Variants in TMEM71 observed in about 807,000 individuals in gnomAD.
TMEM71 encodes transmembrane protein 71.
TMEM71 carries 44 observed loss-of-function variants against 38.0 expected under a neutral mutation model. The ratio of observed to expected loss-of-function variants is 1.16; its 90% CI spans 0.91 to 1.49. The LOEUF is 1.49. TMEM71 is among the 40% of genes most tolerant of loss of function. The probability of loss-of-function intolerance (pLI) is 0.00; values close to 1 mark genes in which losing one functional copy is unlikely to be tolerated. For missense variants in TMEM71, 367 were observed against 348.6 expected, an observed-to-expected ratio of 1.05 and a Z score of -0.42; for synonymous variants, 133 against 122.5, an observed-to-expected ratio of 1.09 and a Z score of -0.56.
chr8:132,728,755 T>G (rs1240369778), intron 5 of TMEM71, among the ~76,000 whole-genome samples: 1 of 152,246 alleles, frequency 6.6e-6, no homozygotes, highest in East Asian at 1.9e-4. Context: ...TCATTCAACA[T>G]TTATTGAATG....
At chr8:132,775,471 C>T in the TMEM71 span, 1 of 381,456 alleles carries the variant, frequency 2.6e-6, no homozygotes. Flanking sequence ...ACCCAGCTCC[C>T]TCCCGCGAAA....
intron 7 of TMEM71, among the ~76,000 whole-genome samples, 172 bp downstream of exon 7, chr8:132,721,868 A>T (rs565438130): frequency 6.7e-4 from 102 of 152,192 alleles, no homozygotes; most frequent in Non-Finnish European, 1.2e-3. Context: ...TTGTGAGAGG[A>T]TAGAGGTGGG....
intron 5 of TMEM71, among the ~76,000 whole-genome samples, chr8:132,728,333 A>T (rs916355525): frequency 2.6e-5 from 4 of 152,284 alleles, no homozygotes; most frequent in African/African-American, 7.2e-5. Flanking sequence ...AGTGGCAGGT[A>T]AAGAGAGAAT....
intron 3 of TMEM71, among the ~76,000 whole-genome samples, chr8:132,753,263 G>T (rs1203271059): frequency 2.0e-5 from 3 of 150,918 alleles, no homozygotes; most frequent in Non-Finnish European, 4.4e-5. Context: ...TGGAAATCTG[G>T]TAAAACCTAT....
At chr8:132,719,289 T>C (rs1826710060) in intron 7 of TMEM71, among the ~76,000 whole-genome samples, 2 of 152,208 alleles carry the variant, frequency 1.3e-5, no homozygotes, top group Non-Finnish European at 2.9e-5. Flanking sequence ...AAATAAAAAA[T>C]TCAAAATCTG....
At chr8:132,743,897 T>C (rs1212468102) in intron 5 of TMEM71, among the ~76,000 whole-genome samples, 1 of 152,196 alleles carries the variant, frequency 6.6e-6, no homozygotes, top group Non-Finnish European at 1.5e-5. Context: ...GCACAGAATG[T>C]TCTTACCTTT....
At chr8:132,749,025 T>C (rs966495828) in intron 4 of TMEM71, among the ~76,000 whole-genome samples, 5 of 152,248 alleles carry the variant, frequency 3.3e-5, no homozygotes, top group African/African-American at 1.2e-4. Flanking sequence ...TCCAAAACAG[T>C]TGAGATAGTC....
downstream of TMEM71, among the ~76,000 whole-genome samples, chr8:132,706,538 T>C (rs1190837493): frequency 1.3e-5 from 2 of 152,144 alleles, no homozygotes; most frequent in African/African-American, 4.8e-5. Context: ...ACAAAGTATA[T>C]AGAGTTTGGA....
At chr8:132,734,796 T>C (rs1230134827) in intron 5 of TMEM71, among the ~76,000 whole-genome samples, 1 of 152,228 alleles carries the variant, frequency 6.6e-6, no homozygotes, top group Non-Finnish European at 1.5e-5. Context: ...CAAATAGCTC[T>C]AGTTGTATTA....
chr8:132,757,210 T>C, intron 3 of TMEM71, 24 bp downstream of exon 3: 1 of 1,588,034 alleles, frequency 6.3e-7, no homozygotes, highest in Non-Finnish European at 8.6e-7. Context: ...TGATTATTTT[T>C]TTAAAAGAAG....
chr8:132,738,885 T>C (rs931049759), intron 5 of TMEM71, among the ~76,000 whole-genome samples: 2 of 151,862 alleles, frequency 1.3e-5, no homozygotes, highest in East Asian at 3.9e-4. Context: ...CACACAGGAA[T>C]ATATGTAAAA....
At chr8:132,740,136 TC>T (rs372326513) in intron 5 of TMEM71, among the ~76,000 whole-genome samples, 228 of 152,186 alleles carry the variant, frequency 1.5e-3, no homozygotes, top group African/African-American at 5.4e-3. Flanking sequence ...ACCCCACAGC[TC>T]CCCTTGTTCT....
At chr8:132,720,239 C>T (rs1826765754) in intron 7 of TMEM71, among the ~76,000 whole-genome samples, 1 of 152,142 alleles carries the variant, frequency 6.6e-6, no homozygotes, top group African/African-American at 2.4e-5. Flanking sequence ...TTACTCTACT[C>T]CCTGGAAGAA....
At chr8:132,706,907 A>G (rs1048573639), downstream of TMEM71, among the ~76,000 whole-genome samples, 4 of 152,224 alleles carry the variant, frequency 2.6e-5, no homozygotes, top group African/African-American at 9.6e-5. Context: ...CTCTTGACAA[A>G]GAATATGACA....
intron 4 of TMEM71, among the ~76,000 whole-genome samples, chr8:132,747,453 C>T (rs890135002): frequency 1.3e-5 from 2 of 152,202 alleles, no homozygotes; most frequent in Non-Finnish European, 2.9e-5. Flanking sequence ...TTCAGAACAA[C>T]TGTATGAAAT....
Position 132,710,843 on chromosome 8 carries a change from G to T in TMEM71, c.*124C>A. The T allele has an allele frequency of 1.2e-6, 1 of 846,230 alleles. No homozygotes were observed. Among genetic ancestry groups the T allele is most frequent in the Non-Finnish European group, 2.0e-6 (1 of 504,656 alleles). 52.4% of individuals were successfully genotyped at this position (846,230 alleles called of 1,614,324 possible). ...AAAATCACATAGTCAAACTAAAATG[G>T]CTTTTTCTCCATTACTCGCTTACTC... On this transcript the variant is annotated 3_prime_UTR_variant, in exon 10 of 10. Transcript: ENST00000677595.
chr8:132,715,006 G>T lies in TMEM71; in HGVS notation c.753-791C>A, dbSNP rs187509762. The stretch of plus-strand genomic sequence containing the variant: ...TTACAGTAATGCAAATTAAAACAGC[G>T]AGATATCACTGCATACCTAGTAGAA... On this transcript the variant is annotated intron_variant, in intron 7 of 9. Transcript: ENST00000677595. Among the ~76,000 whole-genome samples the T allele has an allele frequency of 3.3e-5, 5 of 152,210 alleles. No homozygotes were observed. In the East Asian group the frequency reaches 9.6e-4, roughly 29 times the overall value.
intron 7 of TMEM71, among the ~76,000 whole-genome samples, chr8:132,716,196 T>G (rs1826520996): frequency 6.6e-6 from 1 of 152,238 alleles, no homozygotes; most frequent in Non-Finnish European, 1.5e-5. Flanking sequence ...CGCCTGCTCC[T>G]GCCCCTGGCC....
intron 7 of TMEM71, 103 bp from the exon 8 acceptor site, chr8:132,714,318 T>C: frequency 4.6e-6 from 4 of 874,684 alleles, no homozygotes; most frequent in Non-Finnish European, 7.5e-6. Context: ...AGGTTTACTA[T>C]GAAACTACAG....
Sources: gnomAD v4.1 joint callset for allele counts (sites outside exome capture counted in the v4.1 genomes callset) on GRCh38, gnomAD v4.1.1 for gene constraint, MANE v1.5 for transcripts, NCBI Gene and HGNC (gene_info 2026-07-23, HGNC 2026-07-21) for gene names.